Variants in FILIP1 observed in about 807,000 individuals in gnomAD.
FILIP1 encodes filamin-A-interacting protein 1.
FILIP1 carries 61 observed loss-of-function variants against 102.1 expected under a neutral mutation model. That is an observed-to-expected ratio of 0.60 (90% CI 0.49 to 0.74). The LOEUF (loss-of-function observed/expected upper bound fraction) is 0.74, where lower values mean the gene tolerates loss of function less well. FILIP1 is among the 30% of genes least tolerant of loss of function. FILIP1 has a pLI of 0.00. For synonymous variants in FILIP1, 491 were observed against 526.9 expected, an observed-to-expected ratio of 0.93 and a Z score of 0.93; for missense variants, 1,314 against 1,441.2, an observed-to-expected ratio of 0.91 and a Z score of 1.43.
intron 2 of FILIP1, among the ~76,000 whole-genome samples, chr6:75,366,916 G>A (rs1418152237): frequency 6.6e-6 from 1 of 152,114 alleles, no homozygotes; most frequent in Non-Finnish European, 1.5e-5. Flanking sequence ...GTAAAGTGGG[G>A]ACACAACCCC....
intron 1 of FILIP1, among the ~76,000 whole-genome samples, chr6:75,480,263 A>ACATTTTTATAGTATTAAAAATGTATAC (rs1779612204): frequency 1.4e-5 from 2 of 147,754 alleles, no homozygotes; most frequent in African/African-American, 2.5e-5. Flanking sequence ...TTATAATACT[A>ACATTTTTATAGTATTAAAAATGTATAC]CATTTTTATA....
At chr6:75,416,554 G>A (rs994485323) in intron 1 of FILIP1, among the ~76,000 whole-genome samples, 1 of 147,622 alleles carries the variant, frequency 6.8e-6, no homozygotes, top group African/African-American at 2.5e-5. Flanking sequence ...CAGCTTATTT[G>A]TGGGCAGAAT....
downstream of FILIP1, among the ~76,000 whole-genome samples, chr6:75,307,509 C>A (rs1366555684): frequency 6.6e-6 from 1 of 152,172 alleles, no homozygotes; most frequent in African/African-American, 2.4e-5. Context: ...TACATGAGAT[C>A]TTGTGTGCTA....
rs140066170 is a variant in FILIP1, at chr6:75,447,158, T to C, written c.-6-32180A>G. On this transcript the variant is annotated intron_variant, in intron 1 of 5. Transcript: ENST00000237172. Reference sequence around the variant, plus strand: ...ACTTCTGTCGTATTAAAAACCTTTATATATTTTTAGCTATAACAAAGTTTG... The same window carrying C: ...ACTTCTGTCGTATTAAAAACCTTTACATATTTTTAGCTATAACAAAGTTTG... 2.7e-3 allele frequency among the ~76,000 whole-genome samples: 417 copies of C among 152,276 alleles called. 3 individuals carry two copies. Among genetic ancestry groups the C allele is most frequent in the African/African-American group, 9.5e-3 (393 of 41,570 alleles).
chr6:75,481,024 C>T (rs1779636643), intron 1 of FILIP1, among the ~76,000 whole-genome samples: 1 of 152,168 alleles, frequency 6.6e-6, no homozygotes, highest in Non-Finnish European at 1.5e-5. Context: ...GATGCTTTCC[C>T]TTAGAACTTG....
chr6:75,456,085 T>A (rs1467658609), intron 1 of FILIP1, among the ~76,000 whole-genome samples: 5 of 152,180 alleles, frequency 3.3e-5, no homozygotes, highest in Admixed American at 3.3e-4. Flanking sequence ...TCAAGTGATA[T>A]CTCTCCTAAG....
chr6:75,442,078 G>A (rs977190731), intron 1 of FILIP1, among the ~76,000 whole-genome samples: 2 of 151,878 alleles, frequency 1.3e-5, no homozygotes, highest in South Asian at 2.1e-4. Context: ...CTTCTCAGAC[G>A]GGGCGGCCGG....
Position 75,434,093 on chromosome 6 carries a change from C to A in FILIP1, c.-6-19115G>T, listed in dbSNP as rs546784564. On this transcript the variant is annotated intron_variant, in intron 1 of 5. Coordinates refer to ENST00000237172, the MANE Select transcript of FILIP1 (RefSeq NM_015687.5). ...ACCATGCTGTTTTGGTTAATGTAGC[C>A]TTGTAGTATAGTGTGAAGTCAGGTA... Among the ~76,000 whole-genome samples, 7 of 152,176 alleles carry A rather than the reference C, an allele frequency of 4.6e-5. No individual in the cohort carries two copies. The South Asian group carries it at 1.5e-3, about 32-fold the overall frequency.
chr6:75,322,830 A>C (rs9352203), intron 4 of FILIP1, among the ~76,000 whole-genome samples: 101,895 of 151,868 alleles, frequency 0.67, 34,335 homozygotes, highest in Middle Eastern at 0.76. Context: ...AGTAGCTGGG[A>C]CTACAGGCAT....
chr6:75,385,602 T>G (rs773834995), intron 2 of FILIP1: 1 of 152,196 alleles, frequency 6.6e-6, no homozygotes, highest in East Asian at 1.9e-4. Context: ...TTACCTTAAT[T>G]TTCAGATAAG....
intron 1 of FILIP1, among the ~76,000 whole-genome samples, chr6:75,440,233 G>A (rs1193384804): frequency 6.6e-6 from 1 of 152,038 alleles, no homozygotes; most frequent in Non-Finnish European, 1.5e-5. Context: ...AATACACTGT[G>A]GCAAAATGAA....
chr6:75,389,230 C>T (rs145362941), intron 2 of FILIP1, among the ~76,000 whole-genome samples: 89 of 152,230 alleles, frequency 5.8e-4, no homozygotes, highest in African/African-American at 1.8e-3. Context: ...CTGACTTGAT[C>T]GTGGTGGATA....
At chr6:75,334,765 C>T (rs74329855) in intron 4 of FILIP1, 1 of 152,172 alleles carries the variant, frequency 6.6e-6, no homozygotes, top group African/African-American at 2.4e-5. Flanking sequence ...TTAACCGTCA[C>T]ATTCCAGCCC....
Position 75,314,290 on chromosome 6 carries a change from A to AC in FILIP1, c.1541_1542insG (p.Asn514LysfsTer18). The AC allele has an allele frequency of 6.5e-7, 1 of 1,533,894 alleles. No individual in the cohort carries two copies. Among genetic ancestry groups the AC allele is most frequent in the East Asian group, 2.4e-5 (1 of 42,506 alleles). On this transcript the variant is annotated frameshift_variant, in exon 5 of 6. Transcript: ENST00000237172. LOFTEE classifies it high-confidence loss of function. ...CTTCTTGTTTTATTTTTTCCATCAT[A>AC]TTTTTCCTTTCATCAACCAGCATCA...
intron 6 of FILIP1, among the ~76,000 whole-genome samples, chr6:75,297,719 A>T (rs1174718420): frequency 2.0e-5 from 3 of 149,690 alleles, no homozygotes; most frequent in South Asian, 2.1e-4. Flanking sequence ...TCACTAATTT[A>T]AAAAAAAATT....
At chr6:75,337,157 A>G (rs1455544052) in intron 4 of FILIP1, among the ~76,000 whole-genome samples, 15 of 152,168 alleles carry the variant, frequency 9.9e-5, no homozygotes, top group Admixed American at 9.8e-4. Flanking sequence ...ACTGAAATGT[A>G]TACCCCAATG....
intron 4 of FILIP1, among the ~76,000 whole-genome samples, chr6:75,336,398 G>A (rs1002840027): frequency 6.6e-5 from 10 of 152,034 alleles, no homozygotes; most frequent in African/African-American, 2.4e-4. Context: ...ATGCATAGTG[G>A]GCCCACAATA....
At chr6:75,442,612 G>C (rs1206315255) in intron 1 of FILIP1, among the ~76,000 whole-genome samples, 1 of 152,250 alleles carries the variant, frequency 6.6e-6, no homozygotes. Flanking sequence ...AAACCAGTCA[G>C]GTGTGGCAGC....
chr6:75,349,328 G>A (rs117853988), intron 4 of FILIP1, among the ~76,000 whole-genome samples: 27 of 152,160 alleles, frequency 1.8e-4, no homozygotes, highest in East Asian at 1.7e-3. Flanking sequence ...TCTGGTGCCC[G>A]GAGAGTCCCT....
Sources: gnomAD v4.1 joint callset for allele counts (sites outside exome capture counted in the v4.1 genomes callset) on GRCh38, gnomAD v4.1.1 for gene constraint, MANE v1.5 for transcripts, NCBI Gene and HGNC (gene_info 2026-07-23, HGNC 2026-07-21) for gene names.